The following ARHGAP42 variants were observed in gnomAD, a reference collection of about 807,000 sequenced individuals.
ARHGAP42 encodes the protein rho GTPase-activating protein 42.
ARHGAP42 carries 63 observed loss-of-function variants against 125.0 expected under a neutral mutation model. That is an observed-to-expected ratio of 0.50 (90% confidence interval 0.41 to 0.62). ARHGAP42 has a LOEUF of 0.62. Among genes scored for constraint, ARHGAP42 ranks in the 20% least tolerant of loss-of-function variants. The probability of loss-of-function intolerance (pLI) is 0.00; values close to 1 mark genes in which losing one functional copy is unlikely to be tolerated. For synonymous variants in ARHGAP42, 339 were observed against 351.0 expected, an observed-to-expected ratio of 0.97 and a Z score of 0.38; for missense variants, 766 against 1,024.2, an observed-to-expected ratio of 0.75 and a Z score of 3.44.
chr11:100,968,015 C>T (rs1296746196), intron 17 of ARHGAP42, among the ~76,000 whole-genome samples: 3 of 152,234 alleles, frequency 2.0e-5, no homozygotes, highest in African/African-American at 7.2e-5. Context: ...AGCCACCACA[C>T]CTGGCCAGAT....
In ARHGAP42 at chr11:100,936,238, A is replaced by G; in HGVS notation, c.738A>G (p.Val246=). ...RNNFESTRQE[V]ERLMQRMKSA... ...ATTTTGAAAGTACTCGACAAGAGGT[A>G]GAGCGGTTGATGCAAAGGATGAAAT... The change falls in exon 8 of 24, where the codon GTA becomes GTG. Residue 246 remains valine (V), a synonymous_variant. Coordinates refer to ENST00000298815, the MANE Select transcript of ARHGAP42 (RefSeq NM_152432.4). 1 of 1,551,822 alleles carries G rather than the reference A, an allele frequency of 6.4e-7. No homozygotes were observed. Among genetic ancestry groups the G allele is most frequent in the South Asian group, 1.2e-5 (1 of 84,064 alleles).
At chr11:100,933,714 C>T (rs1180990603) in intron 7 of ARHGAP42, among the ~76,000 whole-genome samples, 2 of 151,944 alleles carry the variant, frequency 1.3e-5, no homozygotes, top group Admixed American at 1.3e-4. Flanking sequence ...GTTAACTATA[C>T]AATTTTTATT....
At chr11:100,901,354 G>A (rs1463801640) in intron 4 of ARHGAP42, among the ~76,000 whole-genome samples, 1 of 152,210 alleles carries the variant, frequency 6.6e-6, no homozygotes, top group Non-Finnish European at 1.5e-5. Context: ...TCCCAATTAG[G>A]CTACATGGGG....
intron 8 of ARHGAP42, among the ~76,000 whole-genome samples, chr11:100,938,661 C>A (rs1163975519): frequency 6.6e-6 from 1 of 152,126 alleles, no homozygotes; most frequent in Non-Finnish European, 1.5e-5. Flanking sequence ...ATAATCCCTT[C>A]CTCCTGTCTG....
In ARHGAP42 at chr11:100,976,437, G is replaced by A. The variant is rs1565303635; in HGVS notation, c.2236G>A (p.Gly746Arg). The change falls in exon 20 of 24, where the codon GGA (glycine) becomes AGA (arginine). Residue 746 changes from glycine to arginine, a missense_variant and splice_region_variant. Transcript: ENST00000298815. ...SSLRSISAAE[G>R]NKSYSGSIQS... is the part of the protein sequence containing the mutation. The stretch of plus-strand genomic sequence containing the variant: ...TCTCAGATCCATCTCTGCAGCTGAA[G>A]GTAAGGCAGAGTGGAACTTGTGCAA... 3 of 1,516,874 alleles carry A rather than the reference G, an allele frequency of 2.0e-6. No individual in the cohort carries two copies. The highest frequency in any genetic ancestry group is 1.4e-5 in the African/African-American group (1 of 71,988). The allele number at this position is 1,516,874 out of a possible 1,614,324, so 94.0% of individuals were successfully genotyped here. A position where few individuals can be genotyped will look rare whatever the true frequency, so the allele number is the denominator to read the frequency against.
In ARHGAP42 at chr11:100,728,675, A is replaced by G. The variant is rs544957601; in HGVS notation, c.154+40843A>G. Among the ~76,000 whole-genome samples the G allele has an allele frequency of 8.1e-5, 12 of 148,106 alleles. No homozygotes were observed. The South Asian group carries it at 2.2e-3, about 27-fold the overall frequency. ...TGTGTTAGGTTCACGATGGATCTAA[A>G]TAAGTGTTGAGTAAGTGAAATTATA... On this transcript the variant is annotated intron_variant, in intron 1 of 23. Coordinates refer to ENST00000298815, the MANE Select transcript of ARHGAP42 (RefSeq NM_152432.4).
At chr11:100,947,065 T>C (rs191715775) in intron 10 of ARHGAP42, among the ~76,000 whole-genome samples, 1 of 152,146 alleles carries the variant, frequency 6.6e-6, no homozygotes, top group East Asian at 1.9e-4. Flanking sequence ...AAGTTTCTCC[T>C]TGTTTCTCAA....
At chr11:100,966,902 G>A (rs1243374877) in intron 17 of ARHGAP42, among the ~76,000 whole-genome samples, 1 of 152,114 alleles carries the variant, frequency 6.6e-6, no homozygotes, top group Non-Finnish European at 1.5e-5. Context: ...CCATTTTAAT[G>A]AGTACCATGG....
chr11:100,916,148 G>C (rs1035866586), intron 5 of ARHGAP42, among the ~76,000 whole-genome samples: 1 of 152,170 alleles, frequency 6.6e-6, no homozygotes, highest in Non-Finnish European at 1.5e-5. Flanking sequence ...CGTCAACTAG[G>C]CCATTGGAGT....
intron 4 of ARHGAP42, among the ~76,000 whole-genome samples, chr11:100,867,060 T>C (rs1865585900): frequency 6.6e-6 from 1 of 152,188 alleles, no homozygotes; most frequent in Admixed American, 6.5e-5. Context: ...TTCAGTAAAC[T>C]ACAATGTAAA....
At chr11:100,822,223 C>T (rs1245152406) in intron 3 of ARHGAP42, among the ~76,000 whole-genome samples, 1 of 152,032 alleles carries the variant, frequency 6.6e-6, no homozygotes, top group Non-Finnish European at 1.5e-5. Context: ...AAAGCATAAC[C>T]TTAATTTGTT....
intron 1 of ARHGAP42, among the ~76,000 whole-genome samples, chr11:100,696,784 C>T (rs1335894256): frequency 1.3e-5 from 2 of 152,292 alleles, no homozygotes; most frequent in East Asian, 3.9e-4. Flanking sequence ...TCAGTCAGTT[C>T]TCCCACCTCT....
intron 1 of ARHGAP42, among the ~76,000 whole-genome samples, chr11:100,746,555 C>T (rs1383627595): frequency 1.3e-5 from 2 of 152,230 alleles, no homozygotes; most frequent in Non-Finnish European, 2.9e-5. Context: ...CATCTTTACA[C>T]CCTGTTTCAA....
At chr11:100,851,407 A>C (rs619191) in intron 3 of ARHGAP42, among the ~76,000 whole-genome samples, 22,890 of 152,190 alleles carry the variant, frequency 0.15, 2,405 homozygotes, top group African/African-American at 0.29. Context: ...GGAGCTAAAC[A>C]ATTCCTATCG....
At chr11:100,914,973 C>A (rs1463918146) in intron 5 of ARHGAP42, among the ~76,000 whole-genome samples, 1 of 151,950 alleles carries the variant, frequency 6.6e-6, no homozygotes, top group Non-Finnish European at 1.5e-5. Flanking sequence ...TATCAAATTT[C>A]TTTATTTAAA....
At chr11:100,787,249 G>A (rs1863459196) in intron 2 of ARHGAP42, among the ~76,000 whole-genome samples, 1 of 151,582 alleles carries the variant, frequency 6.6e-6, no homozygotes, top group Admixed American at 6.6e-5. Flanking sequence ...CTGTACTCCA[G>A]CCTGGGGAAC....
chr11:100,842,095 C>G (rs1022209687), intron 3 of ARHGAP42, among the ~76,000 whole-genome samples: 1 of 152,142 alleles, frequency 6.6e-6, no homozygotes, highest in African/African-American at 2.4e-5. Context: ...CAAAAACATC[C>G]AGCTTCAGTT....
chr11:100,727,846 G>A (rs965169813), intron 1 of ARHGAP42, among the ~76,000 whole-genome samples: 3 of 152,178 alleles, frequency 2.0e-5, no homozygotes, highest in Non-Finnish European at 4.4e-5. Context: ...TGAACCTGAG[G>A]ATGGTTTGTG....
At chr11:100,762,932 C>T (rs1349793663) in intron 1 of ARHGAP42, among the ~76,000 whole-genome samples, 6 of 143,768 alleles carry the variant, frequency 4.2e-5, no homozygotes, top group East Asian at 2.0e-4. Context: ...TATTTGTGTG[C>T]ATTTTTAGTA....
Sources: allele counts gnomAD v4.1 joint callset (sites outside exome capture counted in the v4.1 genomes callset), GRCh38; gene constraint gnomAD v4.1.1; transcripts MANE v1.5; gene names NCBI Gene and HGNC (gene_info 2026-07-23, HGNC 2026-07-21).